JPT1: variants seen among roughly 807,000 people sequenced by gnomAD.
JPT1 encodes Jupiter microtubule associated homolog 1.
Under a neutral mutation model 17.0 loss-of-function variants are expected in JPT1, and 5 were observed. The ratio of observed to expected loss-of-function variants is 0.29; its 90% CI spans 0.15 to 0.62. The LOEUF (loss-of-function observed/expected upper bound fraction) is 0.62. Ranked by LOEUF, JPT1 falls within the 20% of genes least tolerant of loss-of-function variation. The pLI is 0.85. For missense variants in JPT1, 158 were observed against 188.1 expected (o/e 0.84, Z 0.94); for synonymous variants, 71 against 73.6 (o/e 0.96, Z 0.18).
intron 4 of JPT1, chr17:75,142,738 GT>G (rs2074350286): frequency 2.2e-6 from 1 of 455,604 alleles, no homozygotes; most frequent in Non-Finnish European, 4.4e-6. Flanking sequence ...GAAGCAAGAA[GT>G]GGAATCAAAA....
chr17:75,142,457 G>C (rs1429096742), intron 4 of JPT1, among the ~76,000 whole-genome samples: 1 of 150,946 alleles, frequency 6.6e-6, no homozygotes, highest in Non-Finnish European at 1.5e-5. Flanking sequence ...TACGCAGGGA[G>C]GCTGAGGCAG....
At position 75,137,927 on chromosome 17, in the gene JPT1, C is replaced by T. The variant is rs564946008; in HGVS notation, c.317-1677G>A. Among the ~76,000 whole-genome samples the T allele has an allele frequency of 1.2e-4, 18 of 151,930 alleles. No homozygotes were observed. In the East Asian group the frequency reaches 3.5e-3, roughly 29 times the overall value. On this transcript the variant is annotated intron_variant, in intron 4 of 4. Transcript: ENST00000409753. ...CCTCCCAAAGTGCTGGGATTACAGG[C>T]ATTAAGCCACTGCACCCGGCCTAGT...
Position 75,147,656 on chromosome 17 carries a change from A to G in JPT1, c.200-3T>C, listed in dbSNP as rs879224787. 1.2e-5 allele frequency: 19 copies of G among 1,607,276 alleles called. No homozygotes were observed. Among genetic ancestry groups the G allele is most frequent in the Non-Finnish European group, 1.5e-5 (18 of 1,174,070 alleles). Reference sequence around the variant, plus strand: ...CCTGCCACCACTAGACTTGGCACCTAAAAATCAAAATATACTTTCTTCAGA... The same window carrying G: ...CCTGCCACCACTAGACTTGGCACCTGAAAATCAAAATATACTTTCTTCAGA... On this transcript the variant is annotated splice_region_variant and splice_polypyrimidine_tract_variant and intron_variant, in intron 2 of 4. Transcript: ENST00000409753.
Position 75,149,138 on chromosome 17 carries a change from C to A in JPT1, c.57-467G>T, listed in dbSNP as rs1471010358. The A allele has an allele frequency of 1.5e-5, 13 of 877,430 alleles. 1 individual carries two copies. In the Admixed American group the frequency reaches 3.1e-4, roughly 21 times the overall value. The allele number at this position is 877,430 out of a possible 1,614,324, so 54.4% of individuals were successfully genotyped here. A position where few individuals can be genotyped will look rare whatever the true frequency, so the allele number is the denominator to read the frequency against. On this transcript the variant is annotated intron_variant, in intron 1 of 4. Coordinates refer to ENST00000409753, the MANE Select transcript of JPT1 (RefSeq NM_016185.4). ...GGCCAAGGCAGGATCATCACTTGAGCCTAGGAGTTCAAGACCAGCCTGGGC... is the reference window on the plus strand; with the variant it reads ...GGCCAAGGCAGGATCATCACTTGAGACTAGGAGTTCAAGACCAGCCTGGGC...
At chr17:75,149,256 T>G (rs1205854113) in intron 1 of JPT1, 2 of 341,084 alleles carry the variant, frequency 5.9e-6, no homozygotes, top group Non-Finnish European at 1.2e-5. Context: ...CACTGGACTC[T>G]GAGACAGAAG....
At chr17:75,149,041 T>G in intron 1 of JPT1, 1 of 1,281,074 alleles carries the variant, frequency 7.8e-7, no homozygotes, top group Non-Finnish European at 1.0e-6. Context: ...TTAGAAGTAT[T>G]TCTTGTTATT....
chr17:75,143,217 G>A (rs2074361401), intron 4 of JPT1, among the ~76,000 whole-genome samples: 1 of 152,028 alleles, frequency 6.6e-6, no homozygotes, highest in Non-Finnish European at 1.5e-5. Context: ...TTGTCTAATC[G>A]TATTTCTGTA....
Position 75,136,057 on chromosome 17 carries a change from G to A in JPT1, c.*45C>T, listed in dbSNP as rs1216144001. 1.2e-6 allele frequency: 2 copies of A among 1,614,112 alleles called. No homozygotes were observed. The highest frequency in any genetic ancestry group is 1.7e-6 in the Non-Finnish European group (2 of 1,180,010). On this transcript the variant is annotated 3_prime_UTR_variant, in exon 5 of 5. Transcript: ENST00000409753. ...CAGGCTCAAGTTGTGCAGTTCACAA[G>A]CATGGAGGAAACAGACAGAACGACA...
chr17:75,151,445 C>G (rs2074551338), intron 1 of JPT1, among the ~76,000 whole-genome samples: 1 of 152,040 alleles, frequency 6.6e-6, no homozygotes, highest in South Asian at 2.1e-4. Context: ...ATCACAAGGT[C>G]AAGAGATCAA....
chr17:75,154,361 T>G lies in JPT1; in HGVS notation c.37A>C (p.Asn13His). 4 of 1,548,770 alleles carry G rather than the reference T, an allele frequency of 2.6e-6. No individual in the cohort carries two copies. The highest frequency in any genetic ancestry group is 3.5e-6 in the Non-Finnish European group (4 of 1,146,040). ...TTTTFKGVDPNSRNSSRVLRP... is the reference protein window; with the variant it reads ...TTTTFKGVDPHSRNSSRVLRP... Reference sequence around the variant, plus strand: ...CCTCACCGGGAGCTATTCCTGCTGTTGGGGTCGACTCCCTTGAAGGTGGTG... The same window carrying G: ...CCTCACCGGGAGCTATTCCTGCTGTGGGGGTCGACTCCCTTGAAGGTGGTG... The change falls in exon 1 of 5, where the codon AAC becomes CAC. Residue 13 changes from asparagine (N) to histidine (H), a missense_variant. Asn to His is a moderately conservative substitution (Grantham distance 68). Coordinates refer to ENST00000409753, the MANE Select transcript of JPT1 (RefSeq NM_016185.4).
chr17:75,148,441 G>C (rs941672858), intron 2 of JPT1, 88 bp downstream of exon 2: 34 of 1,468,728 alleles, frequency 2.3e-5, no homozygotes, highest in Non-Finnish European at 3.1e-5. Context: ...TTTTAGACAC[G>C]GGGGCACATG....
At chr17:75,150,244 C>CTT (rs958087015) in intron 1 of JPT1, among the ~76,000 whole-genome samples, 5 of 151,646 alleles carry the variant, frequency 3.3e-5, no homozygotes, top group African/African-American at 1.2e-4. Context: ...TATAGAAATA[C>CTT]TTTTTTTTCT....
At chr17:75,145,200 CAG>C (rs1380406188) in intron 4 of JPT1, 2 of 113,712 alleles carry the variant, frequency 1.8e-5, no homozygotes, top group East Asian at 2.2e-4. Flanking sequence ...ACCAAAAAAA[CAG>C]AACACTGTGT....
chr17:75,140,311 T>G lies in JPT1; in HGVS notation c.317-4061A>C, dbSNP rs868016539. The stretch of plus-strand genomic sequence containing the variant: ...AAAGGGCTTTAAATGAAATTATTTC[T>G]ACCAAAATATACATTTTAGACACTC... On this transcript the variant is annotated intron_variant, in intron 4 of 4. Coordinates refer to ENST00000409753, the MANE Select transcript of JPT1 (RefSeq NM_016185.4). 2.0e-5 allele frequency among the ~76,000 whole-genome samples: 3 copies of G among 152,302 alleles called. No homozygotes were observed. In the East Asian group the frequency reaches 5.8e-4, roughly 29 times the overall value.
At chr17:75,147,454 T>A in intron 3 of JPT1, 102 bp downstream of exon 3, 1 of 780,018 alleles carries the variant, frequency 1.3e-6, no homozygotes, top group South Asian at 1.4e-5. Flanking sequence ...CTTTCCTAAC[T>A]ACCTCAATGT....
At chr17:75,144,617 T>C (rs561345578) in intron 4 of JPT1, among the ~76,000 whole-genome samples, 11 of 152,126 alleles carry the variant, frequency 7.2e-5, no homozygotes, top group African/African-American at 2.4e-4. Context: ...ATCAAAACCA[T>C]AGAAGGGGTC....
intron 4 of JPT1, 175 bp from the exon 5 acceptor site, chr17:75,136,425 TC>T (rs1418517880): frequency 1.7e-6 from 1 of 574,802 alleles, no homozygotes; most frequent in African/African-American, 1.9e-5. Context: ...CCATTGTTCA[TC>T]TTTTCCCATA....
In JPT1 at chr17:75,136,961, T is replaced by A. The variant is rs187812320; in HGVS notation, c.317-711A>T. 1.1e-3 allele frequency among the ~76,000 whole-genome samples: 168 copies of A among 152,348 alleles called. 1 individual carries two copies. Among genetic ancestry groups the A allele is most frequent in the African/African-American group, 3.6e-3 (151 of 41,572 alleles). On this transcript the variant is annotated intron_variant, in intron 4 of 4. Coordinates refer to ENST00000409753, the MANE Select transcript of JPT1 (RefSeq NM_016185.4). ...ACATGTAGCCAGATAACATGTAACA[T>A]GTTTTGGTTATATTTAACATAAATG...
chr17:75,142,633 A>AAGG, intron 4 of JPT1: 1 of 250,162 alleles, frequency 4.0e-6, no homozygotes. Context: ...GAGGGAGGGG[A>AAGG]GGGAGGGGAG....
Sources: gnomAD v4.1 joint callset for allele counts (sites outside exome capture counted in the v4.1 genomes callset) on GRCh38, gnomAD v4.1.1 for gene constraint, MANE v1.5 for transcripts, NCBI Gene and HGNC (gene_info 2026-07-23, HGNC 2026-07-21) for gene names.